The following GSG1L variants were observed in gnomAD, a reference collection of about 807,000 sequenced individuals.
The protein encoded by GSG1L is germ cell-specific gene 1-like protein.
In GSG1L, 24 loss-of-function variants were observed where a neutral mutation model predicts 42.1. That is an observed-to-expected ratio of 0.57 (90% confidence interval 0.41 to 0.80). The LOEUF (loss-of-function observed/expected upper bound fraction) is 0.80, where lower values mean the gene tolerates loss of function less well. Ranked by LOEUF, GSG1L falls within the 30% of genes least tolerant of loss-of-function variation. GSG1L has a pLI of 0.00. For missense variants in GSG1L, 445 were observed against 472.2 expected (o/e 0.94, Z 0.53); for synonymous variants, 215 against 203.5 (o/e 1.06, Z -0.48).
intron 2 of GSG1L, among the ~76,000 whole-genome samples, chr16:27,943,566 CTTTTTTTTTTT>C (rs11385465): frequency 7.4e-5 from 5 of 67,720 alleles, no homozygotes; most frequent in Admixed American, 2.4e-4. Context: ...TTCTTTGTTT[CTTTTTTTTTTT>C]TTTTTTTTTT....
chr16:27,798,274 C>T (rs141874404), intron 6 of GSG1L, among the ~76,000 whole-genome samples: 242 of 152,168 alleles, frequency 1.6e-3, no homozygotes, highest in African/African-American at 5.6e-3. Context: ...CAGAGACGAA[C>T]GTGTTCCCCT....
chr16:27,832,775 C>A (rs900574215), intron 4 of GSG1L, among the ~76,000 whole-genome samples: 4 of 152,150 alleles, frequency 2.6e-5, no homozygotes, highest in African/African-American at 9.7e-5. Flanking sequence ...GACAAAATGT[C>A]TATTGGTGTT....
intron 5 of GSG1L, 89 bp from the exon 6 acceptor site, chr16:27,807,643 T>G (rs76851000): frequency 3.8e-6 from 4 of 1,044,802 alleles, no homozygotes; most frequent in African/African-American, 3.2e-5. Context: ...AAGTGCAATC[T>G]TCCCCCCTCT....
rs772976295 is a variant in GSG1L, at chr16:28,007,476, GTGGT to G, written c.350-44277_350-44274del. Among the ~76,000 whole-genome samples, 755 of 119,494 alleles carry G rather than the reference GTGGT, an allele frequency of 6.3e-3. 8 individuals are homozygous for G. The highest frequency in any genetic ancestry group is 0.011 in the African/African-American group (269 of 25,562). The allele number at this position is 119,494 out of a possible 152,430, so 78.4% of individuals were successfully genotyped here. A position where few individuals can be genotyped will look rare whatever the true frequency, so the allele number is the denominator to read the frequency against. On this transcript the variant is annotated intron_variant, in intron 1 of 6. Coordinates refer to ENST00000447459, the MANE Select transcript of GSG1L (RefSeq NM_001109763.2). ...TGGGAGAATAAATGTGCATGTGTGT[GTGGT>G]TGGTTGGTTGGTTGGTTGGTTGGTT...
At position 27,826,669 on chromosome 16, in the gene GSG1L, G is replaced by A. The variant is rs558780466; in HGVS notation, c.830+2120C>T. On this transcript the variant is annotated intron_variant, in intron 5 of 6. Coordinates refer to ENST00000447459, the MANE Select transcript of GSG1L (RefSeq NM_001109763.2). ...CCCATGGCAGAGCGTGCCCCAGGCC[G>A]TTTTGCACCCAAGGGTGGGAAGGTG... is the stretch of plus-strand genomic sequence containing the variant. 4.6e-4 allele frequency among the ~76,000 whole-genome samples: 70 copies of A among 152,250 alleles called. 3 individuals are homozygous for A. The South Asian group carries it at 0.012, about 27-fold the overall frequency.
In GSG1L at chr16:28,059,555, C is replaced by T. The variant is rs1453105994; in HGVS notation, c.349+3521G>A. Among the ~76,000 whole-genome samples, 2 of 151,642 alleles carry T rather than the reference C, an allele frequency of 1.3e-5. No homozygotes were observed. Among genetic ancestry groups the T allele is most frequent in the Non-Finnish European group, 2.9e-5 (2 of 67,982 alleles). On this transcript the variant is annotated intron_variant, in intron 1 of 6. Coordinates refer to ENST00000447459, the MANE Select transcript of GSG1L (RefSeq NM_001109763.2). The surrounding 1 kb of genome is among the most constrained non-coding windows in gnomAD (Gnocchi z 4.4). ...CAGGATGAAGTCCAACGCATGTGGACGTCACCTGTGCTCCCAGCTGGCACA... is the reference window on the plus strand; with the variant it reads ...CAGGATGAAGTCCAACGCATGTGGATGTCACCTGTGCTCCCAGCTGGCACA...
chr16:28,017,490 TC>T (rs1190882059), intron 1 of GSG1L, among the ~76,000 whole-genome samples: 1 of 152,208 alleles, frequency 6.6e-6, no homozygotes, highest in East Asian at 1.9e-4. Flanking sequence ...GAGCAACTCT[TC>T]CCTGTGGCAC....
chr16:27,841,518 T>C (rs145977656), intron 4 of GSG1L, among the ~76,000 whole-genome samples: 2 of 152,274 alleles, frequency 1.3e-5, no homozygotes, highest in Non-Finnish European at 2.9e-5. Flanking sequence ...CTCAGAGCTG[T>C]TCTCCTCTCC....
chr16:27,995,784 T>C (rs2085508756), intron 1 of GSG1L, among the ~76,000 whole-genome samples: 1 of 151,566 alleles, frequency 6.6e-6, no homozygotes, highest in Non-Finnish European at 1.5e-5. Flanking sequence ...GTAGCTGGGA[T>C]TACAGGCGTG....
chr16:28,000,664 CAAGCAGCTCTCT>C (rs1367607434), intron 1 of GSG1L, among the ~76,000 whole-genome samples: 1 of 152,146 alleles, frequency 6.6e-6, no homozygotes, highest in Non-Finnish European at 1.5e-5. Context: ...TCTTGCCGGA[CAAGCAGCTCTCT>C]AAGCTTCCCA....
At chr16:27,962,093 C>A (rs145160635) in intron 2 of GSG1L, among the ~76,000 whole-genome samples, 28 of 152,306 alleles carry the variant, frequency 1.8e-4, no homozygotes, top group African/African-American at 6.0e-4. Flanking sequence ...GGCAGCCTAT[C>A]TCCTGGGTGG....
chr16:27,866,399 C>T (rs768423604), intron 3 of GSG1L, among the ~76,000 whole-genome samples: 1 of 152,294 alleles, frequency 6.6e-6, no homozygotes, highest in Non-Finnish European at 1.5e-5. Flanking sequence ...CTTTAATCTG[C>T]ACAACCCCAC....
At chr16:27,978,690 C>CAA (rs11409403) in intron 1 of GSG1L, among the ~76,000 whole-genome samples, 4,762 of 89,984 alleles carry the variant, frequency 0.053, 307 homozygotes, top group African/African-American at 0.17. Context: ...GACTCCATCT[C>CAA]AAAAAAAAAA....
chr16:27,920,441 G>A (rs1469388632), intron 2 of GSG1L, among the ~76,000 whole-genome samples: 2 of 152,208 alleles, frequency 1.3e-5, no homozygotes, highest in Non-Finnish European at 2.9e-5. Context: ...GGAGGCAGAC[G>A]CCACCTCCAG....
At chr16:27,977,959 T>C (rs2085270151) in intron 1 of GSG1L, among the ~76,000 whole-genome samples, 1 of 152,186 alleles carries the variant, frequency 6.6e-6, no homozygotes, top group East Asian at 1.9e-4. Context: ...AACAGAAAAT[T>C]CAGGAGGCCC....
intron 1 of GSG1L, among the ~76,000 whole-genome samples, chr16:27,978,318 C>A (rs1009046200): frequency 8.5e-5 from 13 of 152,134 alleles, no homozygotes; most frequent in African/African-American, 2.9e-4. Context: ...ATGGGGTGCA[C>A]CAGGGTCACC....
chr16:27,820,520 C>T (rs1444283701), intron 5 of GSG1L, among the ~76,000 whole-genome samples: 1 of 152,108 alleles, frequency 6.6e-6, no homozygotes, highest in East Asian at 1.9e-4. Context: ...GGCTCCCCCA[C>T]AGCAAACAGG....
At chr16:27,910,126 C>CTT (rs11455704) in intron 2 of GSG1L, among the ~76,000 whole-genome samples, 32,785 of 136,668 alleles carry the variant, frequency 0.24, 4,163 homozygotes, top group Non-Finnish European at 0.27. Flanking sequence ...TGCCTGGCTA[C>CTT]TTTTTTTTTT....
At chr16:27,847,830 C>T (rs1161248512) in intron 3 of GSG1L, among the ~76,000 whole-genome samples, 2 of 152,228 alleles carry the variant, frequency 1.3e-5, no homozygotes, top group Admixed American at 1.3e-4. Flanking sequence ...TTCCCCTTCG[C>T]CCTCTGCTGT....
Sources: allele counts gnomAD v4.1 joint callset (sites outside exome capture counted in the v4.1 genomes callset), GRCh38; gene constraint gnomAD v4.1.1; non-coding constraint Gnocchi (gnomAD v3.1); transcripts MANE v1.5; gene names NCBI Gene and HGNC (gene_info 2026-07-23, HGNC 2026-07-21).